The following CRACD variants were observed in gnomAD, a reference collection of about 807,000 sequenced individuals.
The protein encoded by CRACD is capping protein-inhibiting regulator of actin dynamics.
Under a neutral mutation model 106.8 loss-of-function variants are expected in CRACD, and 56 were observed. That is an observed-to-expected ratio of 0.52 (90% CI 0.42 to 0.66). The LOEUF is 0.66. Ranked by LOEUF, CRACD falls within the 30% of genes least tolerant of loss-of-function variation. The pLI is 0.00. For missense variants in CRACD, 1,730 were observed against 1,623.2 expected, an observed-to-expected ratio of 1.07 and a Z score of -1.13; for synonymous variants, 754 against 670.8, an observed-to-expected ratio of 1.12 and a Z score of -1.92.
chr4:56,073,073 C>T (rs536354829), intron 1 of CRACD, among the ~76,000 whole-genome samples: 12 of 152,130 alleles, frequency 7.9e-5, no homozygotes, highest in African/African-American at 2.6e-4. Context: ...CATACGTTTG[C>T]CTGTGTCTTT....
chr4:56,257,985 G>A (rs1490284130), intron 2 of CRACD, among the ~76,000 whole-genome samples: 4 of 151,292 alleles, frequency 2.6e-5, no homozygotes, highest in Admixed American at 1.3e-4. Flanking sequence ...CATGAGAATC[G>A]CTTGAACCCG....
intron 1 of CRACD, among the ~76,000 whole-genome samples, chr4:56,058,366 G>A (rs542724484): frequency 1.1e-3 from 172 of 152,370 alleles, no homozygotes; most frequent in African/African-American, 3.9e-3. Flanking sequence ...ACCGCACCTG[G>A]CCTCAGATAG....
At chr4:56,113,324 A>G (rs561490591) in intron 1 of CRACD, among the ~76,000 whole-genome samples, 1 of 152,360 alleles carries the variant, frequency 6.6e-6, no homozygotes, top group African/African-American at 2.4e-5. Context: ...AAGTCAGTTA[A>G]CACCCACAAT....
intron 2 of CRACD, among the ~76,000 whole-genome samples, chr4:56,260,573 T>C (rs1187960072): frequency 6.6e-6 from 1 of 152,212 alleles, no homozygotes; most frequent in Non-Finnish European, 1.5e-5. Context: ...TGAGCTCTTG[T>C]GAATGTATTT....
chr4:56,237,719 CAT>C (rs1740059396), intron 2 of CRACD, among the ~76,000 whole-genome samples: 3 of 62,638 alleles, frequency 4.8e-5, no homozygotes, highest in Non-Finnish European at 6.3e-5. Context: ...AAAGATATTA[CAT>C]ACACACACAC....
intron 1 of CRACD, among the ~76,000 whole-genome samples, chr4:56,081,851 C>G (rs1052655996): frequency 2.0e-5 from 3 of 151,994 alleles, no homozygotes; most frequent in Admixed American, 6.6e-5. Context: ...TGGTGCACGC[C>G]CGTAATCCCA....
chr4:56,237,107 T>C (rs114508417), intron 2 of CRACD, among the ~76,000 whole-genome samples: 3,551 of 152,260 alleles, frequency 0.023, 134 homozygotes, highest in African/African-American at 0.082. Context: ...ATTTTAACAT[T>C]GCTTATAGTG....
chr4:56,131,437 T>C (rs2109865700), intron 1 of CRACD, among the ~76,000 whole-genome samples: 1 of 152,326 alleles, frequency 6.6e-6, no homozygotes, highest in East Asian at 1.9e-4. Flanking sequence ...AAGATGTTGC[T>C]GAAATCGTAT....
At chr4:56,182,863 ATGTGTGTGTGTGTGTGTGTGTGTG>A (rs34291347) in intron 2 of CRACD, among the ~76,000 whole-genome samples, 1 of 144,726 alleles carries the variant, frequency 6.9e-6, no homozygotes, top group Non-Finnish European at 1.5e-5. Flanking sequence ...AAAAAAAGAT[ATGTGTGTGTGTGTGTGTGTGTGTG>A]TGTGTGTGTG....
At position 56,298,268 on chromosome 4, in the gene CRACD, C is replaced by A. The variant is rs768049069; in HGVS notation, c.39C>A (p.Ile13=). Residue 13 remains isoleucine (I), a synonymous_variant, in exon 4 of 11, where the codon ATC becomes ATA. Coordinates refer to ENST00000682029, the MANE Select transcript of CRACD (RefSeq NM_001393381.1). ...CATTTTCCCATGACAGTATTTTTAT[C>A]CCTGATGGGGGAGCAGAAAGTGAGC... ...TRAFSHDSIF[I]PDGGAESEQT... 6.2e-7 allele frequency: 1 copy of A among 1,614,124 alleles called. No homozygotes were observed. The highest frequency in any genetic ancestry group is 1.7e-5 in the Admixed American group (1 of 60,026).
Position 56,090,670 on chromosome 4 carries a change from T to C in CRACD, c.-336+41371T>C, listed in dbSNP as rs542417701. 4.6e-4 allele frequency among the ~76,000 whole-genome samples: 70 copies of C among 152,186 alleles called. No individual in the cohort carries two copies. The South Asian group carries it at 6.2e-3, about 14-fold the overall frequency. ...TTGGTCTCCCGAAGTGCTGGGGTTATATGTGTAAGCCACTGCGCCCAGTCA... is the reference window on the plus strand; with the variant it reads ...TTGGTCTCCCGAAGTGCTGGGGTTACATGTGTAAGCCACTGCGCCCAGTCA... On this transcript the variant is annotated intron_variant, in intron 1 of 10. Coordinates refer to ENST00000682029, the MANE Select transcript of CRACD (RefSeq NM_001393381.1).
At chr4:56,322,902 G>A (rs6829491) in intron 8 of CRACD, among the ~76,000 whole-genome samples, 1,623 of 152,204 alleles carry the variant, frequency 0.011, 33 homozygotes, top group African/African-American at 0.037. Context: ...GGTTGCAGGC[G>A]CCTGTAGTCC....
At chr4:56,323,642 CA>C in intron 9 of CRACD, 75 bp downstream of exon 9, 3 of 1,366,560 alleles carry the variant, frequency 2.2e-6, no homozygotes, top group Non-Finnish European at 2.9e-6. Flanking sequence ...GGATACAAAA[CA>C]AAAGGCTAGC....
Position 56,327,796 on chromosome 4 carries a change from A to C in CRACD, c.3694A>C (p.Ile1232Leu). The change falls in exon 11 of 11, where the codon ATT becomes CTT. Residue 1232 changes from isoleucine (I) to leucine (L), a missense_variant. Ile to Leu is a conservative substitution (Grantham distance 5). Transcript: ENST00000682029. ...AKAWSDCPQI[I>L]K is the part of the protein sequence containing the mutation. Reference sequence around the variant, plus strand: ...GGCTTGGAGCGACTGTCCACAGATTATTAAGTAAAGAGTGACTCTCACCCA... The same window carrying C: ...GGCTTGGAGCGACTGTCCACAGATTCTTAAGTAAAGAGTGACTCTCACCCA... The C allele has an allele frequency of 6.2e-7, 1 of 1,613,900 alleles. No individual in the cohort carries two copies. Among genetic ancestry groups the C allele is most frequent in the Non-Finnish European group, 8.5e-7 (1 of 1,179,860 alleles).
chr4:56,114,777 G>A (rs1443085506), intron 1 of CRACD, among the ~76,000 whole-genome samples: 1 of 151,926 alleles, frequency 6.6e-6, no homozygotes, highest in Non-Finnish European at 1.5e-5. Context: ...AACACTTGTT[G>A]CATTTACATA....
At chr4:56,304,843 T>C (rs1744587676) in intron 4 of CRACD, among the ~76,000 whole-genome samples, 1 of 152,128 alleles carries the variant, frequency 6.6e-6, no homozygotes, top group Non-Finnish European at 1.5e-5. Context: ...ATATTCAATT[T>C]TTGTGTGTGT....
chr4:56,068,934 G>A (rs948333099), intron 1 of CRACD, among the ~76,000 whole-genome samples: 1 of 152,100 alleles, frequency 6.6e-6, no homozygotes, highest in African/African-American at 2.4e-5. Flanking sequence ...ATCTTGGGAT[G>A]GAATCATCCT....
In CRACD at chr4:56,091,712, G is replaced by C. The variant is rs567914300; in HGVS notation, c.-336+42413G>C. Reference sequence around the variant, plus strand: ...TAGGTTTTGTTACATTATGGGTTAAGTAGACTTTGGTGGGCGAGTCTGGGA... The same window carrying C: ...TAGGTTTTGTTACATTATGGGTTAACTAGACTTTGGTGGGCGAGTCTGGGA... On this transcript the variant is annotated intron_variant, in intron 1 of 10. Coordinates refer to ENST00000682029, the MANE Select transcript of CRACD (RefSeq NM_001393381.1). Among the ~76,000 whole-genome samples, 4 of 152,308 alleles carry C rather than the reference G, an allele frequency of 2.6e-5. No individual in the cohort carries two copies. In the South Asian group the frequency reaches 8.3e-4, roughly 32 times the overall value.
intron 2 of CRACD, among the ~76,000 whole-genome samples, chr4:56,204,954 C>T (rs867660885): frequency 6.6e-6 from 1 of 150,534 alleles, no homozygotes. Context: ...GCACTGAGTT[C>T]GGGACCAGCC....
Sources: allele counts gnomAD v4.1 joint callset (sites outside exome capture counted in the v4.1 genomes callset), GRCh38; gene constraint gnomAD v4.1.1; transcripts MANE v1.5; gene names NCBI Gene and HGNC (gene_info 2026-07-23, HGNC 2026-07-21).